WNT5A: variants seen among roughly 807,000 people sequenced by gnomAD.
The protein encoded by WNT5A is protein Wnt-5a.
A neutral mutation model predicts 42.1 loss-of-function variants in WNT5A; 9 were observed. The ratio of observed to expected loss-of-function variants is 0.21; its 90% CI spans 0.13 to 0.37. WNT5A has a LOEUF of 0.37. Among genes scored for constraint, WNT5A ranks in the 10% least tolerant of loss-of-function variants. The pLI, the probability that WNT5A is intolerant of heterozygous loss-of-function variation, is 1.00. For missense variants in WNT5A, 426 were observed against 534.0 expected (o/e 0.80, Z 1.99); for synonymous variants, 210 against 210.0 (o/e 1.00, Z 0.00).
intron 4 of WNT5A, among the ~76,000 whole-genome samples, chr3:55,471,285 G>C (rs968376863): frequency 6.6e-6 from 1 of 152,148 alleles, no homozygotes; most frequent in Non-Finnish European, 1.5e-5. Flanking sequence ...CACAGCTAAA[G>C]TGTGGGGGGA....
chr3:55,490,003 C>G (rs2051641481), upstream of WNT5A: 1 of 152,330 alleles, frequency 6.6e-6, no homozygotes, highest in African/African-American at 2.4e-5. Flanking sequence ...CAGCCCCGCC[C>G]CGCGGGCAGG....
At chr3:55,479,958 A>G (rs1264021745) in intron 2 of WNT5A, among the ~76,000 whole-genome samples, 2 of 152,134 alleles carry the variant, frequency 1.3e-5, no homozygotes, top group African/African-American at 4.8e-5. Context: ...AAACTTATGA[A>G]TGCTGAAAGT....
the WNT5A span, among the ~76,000 whole-genome samples, chr3:55,499,940 A>C: frequency 6.6e-6 from 1 of 150,636 alleles, no homozygotes; most frequent in African/African-American, 2.5e-5. Flanking sequence ...GAGCCACTGC[A>C]CTCCAGCCTG....
intron 3 of WNT5A, among the ~76,000 whole-genome samples, 169 bp from the exon 4 acceptor site, chr3:55,474,798 G>A (rs1441664722): frequency 1.2e-5 from 1 of 80,726 alleles, no homozygotes; most frequent in East Asian, 4.3e-4. Flanking sequence ...GGTAGGGAGG[G>A]GGGAGGTAGG....
chr3:55,476,833 C>T (rs2051366556), intron 3 of WNT5A, among the ~76,000 whole-genome samples: 1 of 152,196 alleles, frequency 6.6e-6, no homozygotes, highest in Non-Finnish European at 1.5e-5. Context: ...CCTCACACCC[C>T]TTACAAATGG....
At chr3:55,489,660 C>T (rs2051637285), upstream of WNT5A, among the ~76,000 whole-genome samples, 1 of 152,180 alleles carries the variant, frequency 6.6e-6, no homozygotes, top group African/African-American at 2.4e-5. Flanking sequence ...CTTTCTTTCC[C>T]CCAGGGCGTG....
At chr3:55,482,504 G>T (rs930470702) in intron 1 of WNT5A, among the ~76,000 whole-genome samples, 1 of 152,232 alleles carries the variant, frequency 6.6e-6, no homozygotes, top group Non-Finnish European at 1.5e-5. Flanking sequence ...CGTAAAAGGG[G>T]CAGAGGGGAC....
intron 2 of WNT5A, among the ~76,000 whole-genome samples, chr3:55,480,527 C>T (rs563296194): frequency 1.3e-5 from 2 of 152,256 alleles, no homozygotes; most frequent in Non-Finnish European, 2.9e-5. Flanking sequence ...ACTACAAGCA[C>T]ACGTCTGAAC....
intron 4 of WNT5A, among the ~76,000 whole-genome samples, chr3:55,471,692 G>T (rs1270257622): frequency 6.6e-6 from 1 of 152,230 alleles, no homozygotes; most frequent in African/African-American, 2.4e-5. Context: ...AGTGCCCACG[G>T]GTCTGGCCCT....
chr3:55,487,836 G>T (rs1285725196), upstream of WNT5A: 1 of 152,272 alleles, frequency 6.6e-6, no homozygotes, highest in Admixed American at 6.5e-5. Flanking sequence ...GCAAAAACGG[G>T]GAGCAAAATA....
intron 4 of WNT5A, among the ~76,000 whole-genome samples, chr3:55,471,846 G>T (rs1166818357): frequency 6.6e-6 from 1 of 152,190 alleles, no homozygotes; most frequent in East Asian, 1.9e-4. Flanking sequence ...GGAAGCTGGG[G>T]GTGCATCAGA....
chr3:55,472,914 T>C (rs918259498), intron 4 of WNT5A, among the ~76,000 whole-genome samples: 1 of 152,094 alleles, frequency 6.6e-6, no homozygotes, highest in African/African-American at 2.4e-5. Flanking sequence ...GAGTCAAGTG[T>C]TCACAATTTC....
At chr3:55,500,004 A>T in the WNT5A span, among the ~76,000 whole-genome samples, 2 of 151,568 alleles carry the variant, frequency 1.3e-5, no homozygotes, top group Admixed American at 1.3e-4. Context: ...AATTAAATTA[A>T]ATTAAATTAA....
Position 55,474,624 on chromosome 3 carries a change from G to C in WNT5A, c.397C>G (p.Arg133Gly). 1 of 1,426,132 alleles carries C rather than the reference G, an allele frequency of 7.0e-7. No individual in the cohort carries two copies. The allele number at this position is 1,426,132 out of a possible 1,614,324, so 88.3% of individuals were successfully genotyped here. A position where few individuals can be genotyped will look rare whatever the true frequency, so the allele number is the denominator to read the frequency against. ...VFGRVMQIGS[R>G]ETAFTYAVSA... ...ACCGCGTATGTGAAGGCCGTCTCGC[G>C]GCTGCCTGTGGGTGAGGACAAGGGA... Residue 133 changes from arginine (R) to glycine (G), a missense_variant, in exon 4 of 5, where the codon CGC (arginine) becomes GGC (glycine). Physicochemically the swap from Arg to Gly is moderately radical, Grantham distance 125 (BLOSUM62 -2). Transcript: ENST00000264634.
At chr3:55,474,663 G>T (rs1016488375) in intron 3 of WNT5A, 34 bp from the exon 4 acceptor site, 3 of 1,330,906 alleles carry the variant, frequency 2.3e-6, no homozygotes, top group Non-Finnish European at 1.9e-6. Flanking sequence ...CTGGCCGCCT[G>T]CCTCACGCGC....
the WNT5A span, among the ~76,000 whole-genome samples, chr3:55,502,937 C>G: frequency 6.1e-4 from 93 of 152,316 alleles, no homozygotes; most frequent in Non-Finnish European, 1.1e-3. Context: ...TTTTTCTAAC[C>G]AGGCCCACAT....
At chr3:55,473,645 C>T (rs2051293400) in intron 4 of WNT5A, among the ~76,000 whole-genome samples, 1 of 152,074 alleles carries the variant, frequency 6.6e-6, no homozygotes, top group Non-Finnish European at 1.5e-5. Flanking sequence ...CTATAAAATC[C>T]CACACTGCTA....
the WNT5A span, among the ~76,000 whole-genome samples, chr3:55,500,256 G>C: frequency 5.9e-5 from 9 of 152,128 alleles, no homozygotes; most frequent in Non-Finnish European, 1.2e-4. Flanking sequence ...AATCAGTATT[G>C]ACAGAAAAAT....
chr3:55,485,273 C>T (rs949090913), intron 1 of WNT5A, among the ~76,000 whole-genome samples: 1 of 150,544 alleles, frequency 6.6e-6, no homozygotes, highest in African/African-American at 2.5e-5. Flanking sequence ...CAGGGGGCAG[C>T]CGGCACCGCA....
Sources: allele counts gnomAD v4.1 joint callset (sites outside exome capture counted in the v4.1 genomes callset), GRCh38; gene constraint gnomAD v4.1.1; transcripts MANE v1.5; gene names NCBI Gene and HGNC (gene_info 2026-07-23, HGNC 2026-07-21).